Variants in SLC1A2 observed in about 807,000 individuals in gnomAD.
The protein encoded by SLC1A2 is solute carrier family 1 member 2.
In SLC1A2, 15 loss-of-function variants were observed where a neutral mutation model predicts 48.8. The ratio of observed to expected loss-of-function variants is 0.31; its 90% CI spans 0.21 to 0.47. The LOEUF (loss-of-function observed/expected upper bound fraction) is 0.47, where lower values mean the gene tolerates loss of function less well. Among genes scored for constraint, SLC1A2 ranks in the 20% least tolerant of loss-of-function variants. The probability of loss-of-function intolerance (pLI) is 0.99; values close to 1 mark genes in which losing one functional copy is unlikely to be tolerated. For missense variants in SLC1A2, 502 were observed against 730.5 expected, an observed-to-expected ratio of 0.69 and a Z score of 3.61; for synonymous variants, 279 against 272.6, an observed-to-expected ratio of 1.02 and a Z score of -0.23.
At chr11:35,294,161 A>G (rs557910089) in intron 6 of SLC1A2, among the ~76,000 whole-genome samples, 4 of 152,308 alleles carry the variant, frequency 2.6e-5, no homozygotes, top group African/African-American at 9.6e-5. Flanking sequence ...AGAACATCTC[A>G]TGGGATACCC....
rs142521496 is a variant in SLC1A2 at position 35,359,303 on chromosome 11, G to A, written c.18-41787C>T. 6.6e-4 allele frequency among the ~76,000 whole-genome samples: 100 copies of A among 152,294 alleles called. 1 individual carries two copies. Among genetic ancestry groups the A allele is most frequent in the African/African-American group, 1.9e-3 (77 of 41,574 alleles). On this transcript the variant is annotated intron_variant, in intron 1 of 10. Transcript: ENST00000278379. ...AGAGGACATATTCATTAAGGACTGC[G>A]TCACACACTTTTGGGTTCTTCAATT...
intron 6 of SLC1A2, among the ~76,000 whole-genome samples, chr11:35,295,032 AT>A (rs1851129183): frequency 6.6e-6 from 1 of 151,904 alleles, no homozygotes; most frequent in Non-Finnish European, 1.5e-5. Flanking sequence ...GCCTATTTTT[AT>A]TTTATTTATT....
intron 1 of SLC1A2, among the ~76,000 whole-genome samples, chr11:35,414,524 C>T (rs113611517): frequency 6.6e-6 from 1 of 152,108 alleles, no homozygotes; most frequent in African/African-American, 2.4e-5. Flanking sequence ...TGGAGAGTTG[C>T]GGGGTGAGGG....
chr11:35,280,712 A>G, intron 9 of SLC1A2, 155 bp downstream of exon 9: 1 of 542,684 alleles, frequency 1.8e-6, no homozygotes. Flanking sequence ...TTGGTTCTCA[A>G]ATAGGTCCTC....
At position 35,407,476 on chromosome 11, in the gene SLC1A2, A is replaced by T. The variant is rs12573878; in HGVS notation, c.17+11474T>A. ...AGCACACCTGGCCTAAAACTAAAAC[A>T]ACCCAACATATAATCCTGCTCTTGC... On this transcript the variant is annotated intron_variant, in intron 1 of 10. Transcript: ENST00000278379. Among the ~76,000 whole-genome samples, 161 of 152,322 alleles carry T rather than the reference A, an allele frequency of 1.1e-3. 4 individuals are homozygous for T. In the East Asian group the frequency reaches 0.028, roughly 27 times the overall value.
chr11:35,330,349 G>T (rs546072468), intron 1 of SLC1A2, among the ~76,000 whole-genome samples: 1 of 152,354 alleles, frequency 6.6e-6, no homozygotes, highest in African/African-American at 2.4e-5. Flanking sequence ...TTCTACCAGA[G>T]CTGAGGCTTC....
intron 4 of SLC1A2, among the ~76,000 whole-genome samples, chr11:35,311,881 A>AGAGAGAGAGG (rs1565233300): frequency 7.1e-5 from 4 of 56,248 alleles, no homozygotes; most frequent in East Asian, 1.9e-3. Context: ...GGAGAGAGAG[A>AGAGAGAGAGG]GAGAGAGAGA....
intron 1 of SLC1A2, among the ~76,000 whole-genome samples, chr11:35,333,739 A>C: frequency 6.6e-6 from 1 of 151,688 alleles, no homozygotes; most frequent in East Asian, 1.9e-4. Flanking sequence ...TCAGCTCACT[A>C]TAACCTCTGC....
chr11:35,338,608 G>A (rs576800179), intron 1 of SLC1A2, among the ~76,000 whole-genome samples: 44 of 152,200 alleles, frequency 2.9e-4, no homozygotes, highest in African/African-American at 8.9e-4. Context: ...CAGAGCTGCC[G>A]GGAGCTTATA....
At chr11:35,326,097 G>A (rs1852240978) in intron 1 of SLC1A2, among the ~76,000 whole-genome samples, 1 of 152,078 alleles carries the variant, frequency 6.6e-6, no homozygotes, top group African/African-American at 2.4e-5. Context: ...GACCAAGGAT[G>A]GTGGCCTCAA....
intron 9 of SLC1A2, among the ~76,000 whole-genome samples, chr11:35,267,991 C>T (rs1009221618): frequency 1.4e-4 from 21 of 152,294 alleles, no homozygotes; most frequent in African/African-American, 5.1e-4. Flanking sequence ...GTAAAGTGAC[C>T]AGACTCTCCC....
intron 10 of SLC1A2, among the ~76,000 whole-genome samples, chr11:35,262,260 G>A (rs1950405171): frequency 6.6e-6 from 1 of 152,196 alleles, no homozygotes; most frequent in African/African-American, 2.4e-5. Context: ...ATCAATAGTG[G>A]TACAAAATTA....
intron 1 of SLC1A2, among the ~76,000 whole-genome samples, chr11:35,364,673 G>A (rs574766531): frequency 2.0e-5 from 3 of 152,332 alleles, no homozygotes; most frequent in Admixed American, 6.5e-5. Context: ...TATGTAAAAT[G>A]GAGATAATCA....
chr11:35,317,567 C>T (rs1251314791), intron 1 of SLC1A2, 51 bp from the exon 2 acceptor site: 4 of 1,579,176 alleles, frequency 2.5e-6, no homozygotes, highest in Non-Finnish European at 3.4e-6. Flanking sequence ...CTCCCCTATA[C>T]AGTTTCAGGG....
At chr11:35,378,262 T>C (rs1489147809) in intron 1 of SLC1A2, among the ~76,000 whole-genome samples, 1 of 152,386 alleles carries the variant, frequency 6.6e-6, no homozygotes, top group East Asian at 1.9e-4. Context: ...TTGATGCCTT[T>C]GCAAAGCATT....
chr11:35,352,078 C>A (rs1203068203), intron 1 of SLC1A2, among the ~76,000 whole-genome samples: 1 of 152,164 alleles, frequency 6.6e-6, no homozygotes, highest in African/African-American at 2.4e-5. Flanking sequence ...CAACTTTCTA[C>A]AGCAAAAATG....
At chr11:35,286,716 C>T in intron 8 of SLC1A2, 41 bp downstream of exon 8, 1 of 1,469,654 alleles carries the variant, frequency 6.8e-7, no homozygotes, top group South Asian at 1.3e-5. Flanking sequence ...GGAGGGGAAA[C>T]AGGGTAGAGG....
intron 1 of SLC1A2, among the ~76,000 whole-genome samples, chr11:35,380,008 T>C (rs545680412): frequency 6.6e-6 from 1 of 152,374 alleles, no homozygotes; most frequent in Admixed American, 6.5e-5. Context: ...TTCATTATGT[T>C]AAGCAGACAC....
chr11:35,321,516 G>T (rs1196853453), intron 1 of SLC1A2, among the ~76,000 whole-genome samples: 1 of 152,024 alleles, frequency 6.6e-6, no homozygotes, highest in Non-Finnish European at 1.5e-5. Context: ...AGATCCTAAA[G>T]CTCCCACCCA....
Sources: allele counts gnomAD v4.1 joint callset (sites outside exome capture counted in the v4.1 genomes callset), GRCh38; gene constraint gnomAD v4.1.1; transcripts MANE v1.5; gene names NCBI Gene and HGNC (gene_info 2026-07-23, HGNC 2026-07-21).